The following USP43 variants were observed in gnomAD, a reference collection of about 807,000 sequenced individuals.
USP43 encodes the protein ubiquitin specific peptidase 43, also known as ubiquitin carboxyl-terminal hydrolase 43.
USP43 carries 33 observed loss-of-function variants against 90.7 expected under a neutral mutation model. The ratio of observed to expected loss-of-function variants is 0.36; its 90% CI spans 0.28 to 0.49. USP43 has a LOEUF of 0.49. USP43 is among the 20% of genes least tolerant of loss of function. The pLI is 0.98. For missense variants in USP43, 1,274 were observed against 1,476.4 expected (o/e 0.86, Z 2.25); for synonymous variants, 598 against 615.8 (o/e 0.97, Z 0.43).
chr17:9,718,234 T>C (rs368658185), intron 14 of USP43, among the ~76,000 whole-genome samples: 1 of 152,212 alleles, frequency 6.6e-6, no homozygotes, highest in East Asian at 1.9e-4. Context: ...AAAATTGGTT[T>C]AGTTATATGT....
At chr17:9,649,993 A>T (rs986223875) in intron 1 of USP43, among the ~76,000 whole-genome samples, 3 of 152,182 alleles carry the variant, frequency 2.0e-5, no homozygotes, top group Admixed American at 2.0e-4. Flanking sequence ...TATGTGCTTA[A>T]GCATCAATTT....
Position 9,683,348 on chromosome 17 carries a change from G to A in USP43, c.1241+390G>A, listed in dbSNP as rs552303459. Among the ~76,000 whole-genome samples, 5 of 151,268 alleles carry A rather than the reference G, an allele frequency of 3.3e-5. No homozygotes were observed. In the South Asian group the frequency reaches 1.0e-3, roughly 31 times the overall value. On this transcript the variant is annotated intron_variant, in intron 7 of 14. Transcript: ENST00000285199. ...CAGTAAGGAAAGGGTTCAGGAAATT[G>A]ATGGGTTATATAACAAATATACAAA...
chr17:9,701,073 T>C lies in USP43; in HGVS notation c.1536-46T>C. Reference sequence around the variant, plus strand: ...AGTAGAGACATAGACGAAACCTGTCTGGGAGCAGGAAAGTCCTGAACGCCG... The same window carrying C: ...AGTAGAGACATAGACGAAACCTGTCCGGGAGCAGGAAAGTCCTGAACGCCG... On this transcript the variant is annotated intron_variant, in intron 10 of 14. Coordinates refer to ENST00000285199, the MANE Select transcript of USP43 (RefSeq NM_153210.5). The surrounding 1 kb of genome is among the most constrained non-coding windows in gnomAD (Gnocchi z 7.2). 15 of 1,440,016 alleles carry C rather than the reference T, an allele frequency of 1.0e-5. No homozygotes were observed. The highest frequency in any genetic ancestry group is 1.4e-5 in the Non-Finnish European group (15 of 1,093,934). The allele number at this position is 1,440,016 out of a possible 1,614,324, so 89.2% of individuals were successfully genotyped here.
At chr17:9,669,524 G>A (rs532017029) in intron 3 of USP43, among the ~76,000 whole-genome samples, 1 of 152,294 alleles carries the variant, frequency 6.6e-6, no homozygotes, top group Non-Finnish European at 1.5e-5. Flanking sequence ...GTGCTGGGTT[G>A]TCTTGTAGGT....
chr17:9,708,111 G>A (rs1293437550), intron 12 of USP43, among the ~76,000 whole-genome samples: 1 of 152,226 alleles, frequency 6.6e-6, no homozygotes, highest in Admixed American at 6.5e-5. Context: ...CATGTGCAAA[G>A]GCCCTGAGGC....
At chr17:9,653,711 C>T (rs930430546) in intron 1 of USP43, among the ~76,000 whole-genome samples, 4 of 151,932 alleles carry the variant, frequency 2.6e-5, no homozygotes, top group Non-Finnish European at 4.4e-5. Flanking sequence ...TGGGGCTGAA[C>T]GACAGAGGGT....
chr17:9,698,256 A>T (rs1477173773), intron 9 of USP43, among the ~76,000 whole-genome samples: 1 of 152,010 alleles, frequency 6.6e-6, no homozygotes, highest in Non-Finnish European at 1.5e-5. Context: ...GTTTGCAAAA[A>T]TTTTCTCCCA....
intron 8 of USP43, among the ~76,000 whole-genome samples, chr17:9,687,877 C>CA (rs746003308): frequency 2.0e-5 from 3 of 152,184 alleles, no homozygotes; most frequent in Non-Finnish European, 4.4e-5. Context: ...CCAAAGTGCC[C>CA]AAATTAGAAA....
At chr17:9,725,058 C>T (rs747029849) in intron 14 of USP43, among the ~76,000 whole-genome samples, 3 of 152,136 alleles carry the variant, frequency 2.0e-5, no homozygotes, top group African/African-American at 4.8e-5. Context: ...AAGGTGGCCA[C>T]ACAGGGACAG....
chr17:9,687,416 A>G (rs1236947444), intron 8 of USP43, among the ~76,000 whole-genome samples: 2 of 152,228 alleles, frequency 1.3e-5, no homozygotes, highest in Non-Finnish European at 2.9e-5. Flanking sequence ...ATGAAAATCT[A>G]AATGTTAAAA....
rs775829295 is a variant in USP43, at chr17:9,710,614, C to T, written c.2170+500C>T. 3.4e-5 allele frequency among the ~76,000 whole-genome samples: 5 copies of T among 146,188 alleles called. No homozygotes were observed. The South Asian group carries it at 6.5e-4, about 19-fold the overall frequency. On this transcript the variant is annotated intron_variant, in intron 13 of 14. Transcript: ENST00000285199. ...CTGCCTCTTGGGTTCAAGCGATTCT[C>T]CTGCCTCAGCCTCCCGAGTAGCTGG...
At chr17:9,697,489 T>G (rs1915342585) in intron 9 of USP43, among the ~76,000 whole-genome samples, 1 of 152,012 alleles carries the variant, frequency 6.6e-6, no homozygotes, top group African/African-American at 2.4e-5. Context: ...CCTTCTTCCC[T>G]CCCCCATTTT....
chr17:9,656,212 T>A (rs767917604), intron 1 of USP43, among the ~76,000 whole-genome samples, 191 bp from the exon 2 acceptor site: 4 of 152,128 alleles, frequency 2.6e-5, no homozygotes, highest in Non-Finnish European at 4.4e-5. Flanking sequence ...GAGACCCTCA[T>A]ACCATTTGGG....
intron 5 of USP43, among the ~76,000 whole-genome samples, chr17:9,677,485 G>A (rs950684464): frequency 2.6e-5 from 4 of 152,222 alleles, no homozygotes; most frequent in African/African-American, 9.6e-5. Flanking sequence ...AACATCTGGC[G>A]GAAGCTGGGA....
intron 2 of USP43, among the ~76,000 whole-genome samples, chr17:9,657,637 C>T (rs191528311): frequency 2.8e-4 from 43 of 152,180 alleles, no homozygotes; most frequent in Non-Finnish European, 5.7e-4. Context: ...AGGAGAAGTA[C>T]GTACCTCCTT....
intron 14 of USP43, among the ~76,000 whole-genome samples, chr17:9,724,955 G>A (rs979784640): frequency 2.0e-5 from 3 of 152,124 alleles, no homozygotes; most frequent in African/African-American, 7.2e-5. Context: ...ACTAAGCATG[G>A]CACCAAGAGG....
chr17:9,658,270 G>A (rs141510922), intron 2 of USP43, among the ~76,000 whole-genome samples: 69 of 152,310 alleles, frequency 4.5e-4, no homozygotes, highest in African/African-American at 1.5e-3. Flanking sequence ...AGTGCAGGAA[G>A]CTTAGTCTTT....
chr17:9,651,580 T>C (rs924178525), intron 1 of USP43, among the ~76,000 whole-genome samples: 17 of 152,224 alleles, frequency 1.1e-4, no homozygotes, highest in African/African-American at 3.1e-4. Flanking sequence ...CACCCCAATA[T>C]TGGAAGATTT....
chr17:9,675,658 T>A (rs966091028), intron 4 of USP43, among the ~76,000 whole-genome samples: 1 of 152,162 alleles, frequency 6.6e-6, no homozygotes, highest in Admixed American at 6.5e-5. Context: ...CTCTTCCTAT[T>A]GACATCCCCT....
Sources: allele counts gnomAD v4.1 joint callset (sites outside exome capture counted in the v4.1 genomes callset), GRCh38; gene constraint gnomAD v4.1.1; non-coding constraint Gnocchi (gnomAD v3.1); transcripts MANE v1.5; gene names NCBI Gene and HGNC (gene_info 2026-07-23, HGNC 2026-07-21).